Variants in EIF2B3 observed in about 807,000 individuals in gnomAD.
EIF2B3 encodes translation initiation factor eIF2B subunit gamma.
In EIF2B3, 20 loss-of-function variants were observed where a neutral mutation model predicts 54.1. That is an observed-to-expected ratio of 0.37 (90% CI 0.26 to 0.54). The LOEUF is 0.54. Among genes scored for constraint, EIF2B3 ranks in the 20% least tolerant of loss-of-function variants. EIF2B3 has a pLI of 0.86. For synonymous variants in EIF2B3, 153 were observed against 188.1 expected (o/e 0.81, Z 1.52); for missense variants, 448 against 547.8 (o/e 0.82, Z 1.82).
intron 5 of EIF2B3, among the ~76,000 whole-genome samples, chr1:44,910,564 C>A (rs1643490820): frequency 6.6e-6 from 1 of 151,382 alleles, no homozygotes; most frequent in Non-Finnish European, 1.5e-5. Context: ...CTGCACCTGA[C>A]CATATTCTAA....
intron 4 of EIF2B3, among the ~76,000 whole-genome samples, chr1:44,930,150 CCATT>C (rs1454937619): frequency 6.6e-6 from 1 of 152,218 alleles, no homozygotes; most frequent in Non-Finnish European, 1.5e-5. Context: ...TTTTGCTTAT[CCATT>C]CATTCATTGA....
At position 44,908,096 on chromosome 1, in the gene EIF2B3, A is replaced by C. The variant is rs77354551; in HGVS notation, c.567-10652T>G. 5.2e-3 allele frequency among the ~76,000 whole-genome samples: 793 copies of C among 152,226 alleles called. 1 individual carries two copies. Among genetic ancestry groups the C allele is most frequent in the East Asian group, 7.9e-3 (41 of 5,182 alleles). ...GTTCCAGCCCTTTCTCCAATTCACA[A>C]GATTAAGAAGTCTCAGCTCTGCCTA... On this transcript the variant is annotated intron_variant, in intron 5 of 11. Transcript: ENST00000360403.
chr1:44,916,432 T>C (rs1207978362), intron 5 of EIF2B3, among the ~76,000 whole-genome samples: 1 of 151,024 alleles, frequency 6.6e-6, no homozygotes, highest in Non-Finnish European at 1.5e-5. Flanking sequence ...CTCACCATAT[T>C]GCCCAGGCTG....
chr1:44,964,523 A>C (rs1644317041), intron 3 of EIF2B3, among the ~76,000 whole-genome samples: 1 of 152,260 alleles, frequency 6.6e-6, no homozygotes, highest in Non-Finnish European at 1.5e-5. Context: ...AAAATAGTAC[A>C]TATGCTCAGT....
At chr1:44,918,107 T>TC (rs1643665953) in intron 5 of EIF2B3, among the ~76,000 whole-genome samples, 1 of 129,080 alleles carries the variant, frequency 7.7e-6, no homozygotes, top group African/African-American at 2.9e-5. Flanking sequence ...AGATGGAGTC[T>TC]CGCTCTGTCC....
Position 44,894,726 on chromosome 1 carries a change from T to C in EIF2B3, c.656+2629A>G, listed in dbSNP as rs536306369. ...AGGTTTACTCTTTCCTTTCCATTCCTAAAGGAGTCATCATCTGATGACCAG... is the reference window on the plus strand; with the variant it reads ...AGGTTTACTCTTTCCTTTCCATTCCCAAAGGAGTCATCATCTGATGACCAG... On this transcript the variant is annotated intron_variant, in intron 6 of 11. Coordinates refer to ENST00000360403, the MANE Select transcript of EIF2B3 (RefSeq NM_020365.5). Among the ~76,000 whole-genome samples the C allele has an allele frequency of 2.0e-5, 3 of 152,322 alleles. No individual in the cohort carries two copies. In the East Asian group the frequency reaches 5.8e-4, roughly 29 times the overall value.
intron 6 of EIF2B3, among the ~76,000 whole-genome samples, chr1:44,894,019 A>C (rs886725280): frequency 1.3e-5 from 2 of 152,170 alleles, no homozygotes; most frequent in African/African-American, 4.8e-5. Context: ...GCCCTGACTC[A>C]GGTCTAGGAG....
At chr1:44,919,883 C>CTTTTTTTTTTTTTTTTTCT (rs1643702013) in intron 5 of EIF2B3, among the ~76,000 whole-genome samples, 1 of 117,240 alleles carries the variant, frequency 8.5e-6, no homozygotes, top group Non-Finnish European at 1.8e-5. Context: ...TGCCTGGCTA[C>CTTTTTTTTTTTTTTTTTCT]TTTTTTTTTT....
At chr1:44,871,810 T>C (rs1654974176) in intron 10 of EIF2B3, among the ~76,000 whole-genome samples, 1 of 152,070 alleles carries the variant, frequency 6.6e-6, no homozygotes, top group Non-Finnish European at 1.5e-5. Flanking sequence ...GAGGTGACAT[T>C]TGAGCTAAGA....
chr1:44,874,651 C>T (rs752440470), intron 10 of EIF2B3, 27 bp downstream of exon 10: 5 of 1,611,230 alleles, frequency 3.1e-6, no homozygotes, highest in East Asian at 2.2e-5. Context: ...TTATCTTTGC[C>T]TCAAGTGGGT....
chr1:44,900,660 C>A (rs755275851), intron 5 of EIF2B3, among the ~76,000 whole-genome samples: 3 of 151,938 alleles, frequency 2.0e-5, no homozygotes, highest in East Asian at 1.9e-4. Context: ...TTAAAAAAAA[C>A]CAATCCCCTT....
chr1:44,864,948 C>T (rs763709043), intron 10 of EIF2B3, among the ~76,000 whole-genome samples: 79 of 152,204 alleles, frequency 5.2e-4, no homozygotes, highest in Non-Finnish European at 8.4e-4. Flanking sequence ...CTGGGCGTGG[C>T]GGCTTACACC....
chr1:44,913,741 A>T (rs1252958819), intron 5 of EIF2B3, among the ~76,000 whole-genome samples: 2 of 151,408 alleles, frequency 1.3e-5, no homozygotes, highest in Non-Finnish European at 1.5e-5. Context: ...GCCTCAAGTG[A>T]TCCTCTTGCC....
intron 3 of EIF2B3, among the ~76,000 whole-genome samples, chr1:44,953,622 T>C (rs1644192913): frequency 1.3e-5 from 2 of 151,986 alleles, no homozygotes; most frequent in Non-Finnish European, 2.9e-5. Context: ...GACTTAGCCA[T>C]CTCTACAAAA....
rs759197775 is a variant in EIF2B3, at chr1:44,981,189, GA to G, written c.-9-13del. The G allele has an allele frequency of 5.0e-6, 8 of 1,611,806 alleles. 1 individual carries two copies. In the South Asian group the frequency reaches 8.8e-5, roughly 18 times the overall value. ...TCCATTTTTACAAACTGCAAGTACA[GA>G]AAAAACAATTAACAGAAAAAAAACA... On this transcript the variant is annotated splice_polypyrimidine_tract_variant and intron_variant, in intron 1 of 11. Transcript: ENST00000360403.
At position 44,879,879 on chromosome 1, in the gene EIF2B3, A is replaced by G. The variant is rs769802165; in HGVS notation, c.914T>C (p.Met305Thr). Residue 305 changes from methionine to threonine, a missense_variant, in exon 8 of 12, where the codon ATG becomes ACG. This residue lies in a region of EIF2B3 where 350 missense variants were observed against 414.2 expected (regional missense o/e 0.85). Transcript: ENST00000360403. Reference sequence around the variant, plus strand: ...CACTCGAGAGCAGAGCCCCTCTTTCATGATGTGGACATAGCAGCGCACCTG... The same window carrying G: ...CACTCGAGAGCAGAGCCCCTCTTTCGTGATGTGGACATAGCAGCGCACCTG... ...RSQVRCYVHI[M>T]KEGLCSRVST... The G allele has an allele frequency of 7.4e-6, 12 of 1,613,962 alleles. No individual in the cohort carries two copies. Among genetic ancestry groups the G allele is most frequent in the East Asian group, 4.5e-5 (2 of 44,888 alleles).
chr1:44,949,612 G>A (rs1048606761), intron 3 of EIF2B3, among the ~76,000 whole-genome samples: 7 of 152,168 alleles, frequency 4.6e-5, no homozygotes, highest in Non-Finnish European at 8.8e-5. Context: ...TAGGACAGGG[G>A]CCACAGAGAC....
intron 5 of EIF2B3, among the ~76,000 whole-genome samples, chr1:44,903,179 G>C (rs1643348527): frequency 6.6e-6 from 1 of 152,174 alleles, no homozygotes; most frequent in African/African-American, 2.4e-5. Flanking sequence ...GAACGATAGA[G>C]CTAGGGAATA....
At chr1:44,875,542 A>G in intron 9 of EIF2B3, 76 bp downstream of exon 9, 1 of 1,424,426 alleles carries the variant, frequency 7.0e-7, no homozygotes, top group South Asian at 1.2e-5. Context: ...TAAAGGCCTC[A>G]ATCCGGCTTC....
Sources: gnomAD v4.1 joint callset for allele counts (sites outside exome capture counted in the v4.1 genomes callset) on GRCh38, gnomAD v4.1.1 for gene constraint, gnomAD v4.1.1 regional missense constraint, MANE v1.5 for transcripts, NCBI Gene and HGNC (gene_info 2026-07-23, HGNC 2026-07-21) for gene names.